PNPLA8: variants seen among roughly 807,000 people sequenced by gnomAD.
PNPLA8 encodes patatin like domain 8, phospholipase A2.
In PNPLA8, 39 loss-of-function variants were observed where a neutral mutation model predicts 76.9. That is an observed-to-expected ratio of 0.51 (90% CI 0.39 to 0.66). The LOEUF (loss-of-function observed/expected upper bound fraction) is 0.66. PNPLA8 is among the 30% of genes least tolerant of loss of function. The pLI is 0.00. For missense variants in PNPLA8, 887 were observed against 918.0 expected (o/e 0.97, Z 0.44); for synonymous variants, 301 against 307.9 (o/e 0.98, Z 0.24).
At chr7:108,528,068 CAT>C (rs1864151819), upstream of PNPLA8, 1 of 152,206 alleles carries the variant, frequency 6.6e-6, no homozygotes, top group Non-Finnish European at 1.5e-5. Context: ...TTTAATCAGT[CAT>C]GAAGTCTGAT....
At chr7:108,501,059 G>C (rs2154515835) in intron 5 of PNPLA8, among the ~76,000 whole-genome samples, 1 of 152,188 alleles carries the variant, frequency 6.6e-6, no homozygotes, top group African/African-American at 2.4e-5. Context: ...CAGAACCAAG[G>C]AATTTAACAA....
intron 9 of PNPLA8, chr7:108,479,612 T>C: frequency 1.8e-6 from 1 of 553,668 alleles, no homozygotes; most frequent in Non-Finnish European, 3.2e-6. Context: ...TTAAATTGCT[T>C]TGCATATTTT....
intron 2 of PNPLA8, 62 bp from the exon 3 acceptor site, chr7:108,515,636 A>C: frequency 5.2e-6 from 5 of 962,958 alleles, no homozygotes; most frequent in Non-Finnish European, 6.8e-6. Context: ...TATAACAGAA[A>C]ACACAAGACT....
chr7:108,497,564 G>A lies in PNPLA8; in HGVS notation c.1372C>T (p.Leu458Phe). The change falls in exon 6 of 11, where the codon CTC becomes TTC. Residue 458 changes from leucine (L) to phenylalanine (F), a missense_variant. Coordinates refer to ENST00000257694, the MANE Select transcript of PNPLA8 (RefSeq NM_001256007.3). ...TCAACTAATTTTCGTAGGGTCTGGA[G>A]AGCAACCACGCCCCTACAGAAAAGA... Reference protein sequence around the residue: ...DGGGTRGVVALQTLRKLVELT... With the variant: ...DGGGTRGVVAFQTLRKLVELT... 6.2e-7 allele frequency: 1 copy of A among 1,600,732 alleles called. No individual in the cohort carries two copies. The highest frequency in any genetic ancestry group is 8.5e-7 in the Non-Finnish European group (1 of 1,171,852).
At chr7:108,482,280 G>T (rs1173532780) in intron 9 of PNPLA8, among the ~76,000 whole-genome samples, 2 of 152,102 alleles carry the variant, frequency 1.3e-5, no homozygotes, top group Non-Finnish European at 2.9e-5. Context: ...AGACCAGCCT[G>T]GACAACACAG....
chr7:108,526,936 T>G (rs1864119035), upstream of PNPLA8, among the ~76,000 whole-genome samples: 1 of 152,262 alleles, frequency 6.6e-6, no homozygotes, highest in Non-Finnish European at 1.5e-5. Context: ...TTCATATTTG[T>G]GTCTGCTTTT....
chr7:108,478,783 C>T (rs1217946926), intron 10 of PNPLA8, among the ~76,000 whole-genome samples: 1 of 152,164 alleles, frequency 6.6e-6, no homozygotes, highest in Non-Finnish European at 1.5e-5. Flanking sequence ...ATTCTCATTC[C>T]AGTTTGCCTT....
At chr7:108,482,046 CTATT>C (rs1227442766) in intron 9 of PNPLA8, among the ~76,000 whole-genome samples, 20 of 152,194 alleles carry the variant, frequency 1.3e-4, no homozygotes, top group Admixed American at 7.2e-4. Context: ...TCTGAACTCT[CTATT>C]TAATTCTATT....
intron 2 of PNPLA8, among the ~76,000 whole-genome samples, chr7:108,516,977 C>A (rs192486472): frequency 2.0e-5 from 3 of 151,874 alleles, no homozygotes; most frequent in Non-Finnish European, 4.4e-5. Context: ...GACAACGAGG[C>A]AGAGATTGGG....
Position 108,496,703 on chromosome 7 carries a change from A to C in PNPLA8, c.1506T>G (p.Cys502Trp). The C allele has an allele frequency of 3.7e-6, 6 of 1,611,704 alleles. No homozygotes were observed. Among genetic ancestry groups the C allele is most frequent in the Non-Finnish European group, 5.1e-6 (6 of 1,178,840 alleles). Reference sequence around the variant, plus strand: ...ATCCTAATTTTCGATAAAGTTCCTCACATTCATCCAAGGGCATATGAAACA... The same window carrying C: ...ATCCTAATTTTCGATAAAGTTCCTCCCATTCATCCAAGGGCATATGAAACA... Reference protein sequence around the residue: ...LGLFHMPLDECEELYRKLGSD... With the variant: ...LGLFHMPLDEWEELYRKLGSD... The change falls in exon 7 of 11, where the codon TGT becomes TGG. Residue 502 changes from cysteine (C) to tryptophan (W), a missense_variant. Transcript: ENST00000257694.
At chr7:108,500,511 A>C (rs1194843335) in intron 5 of PNPLA8, among the ~76,000 whole-genome samples, 1 of 152,232 alleles carries the variant, frequency 6.6e-6, no homozygotes, top group East Asian at 1.9e-4. Flanking sequence ...GTCTTTCCTC[A>C]ACACCAATCT....
rs182948137 is a variant in PNPLA8, at chr7:108,524,788, C to A, written c.-130+1241G>T. Among the ~76,000 whole-genome samples, 7 of 152,308 alleles carry A rather than the reference C, an allele frequency of 4.6e-5. No individual in the cohort carries two copies. In the East Asian group the frequency reaches 1.4e-3, roughly 29 times the overall value. On this transcript the variant is annotated intron_variant, in intron 1 of 10. Transcript: ENST00000257694. ...CACCAAGGCACTCCAGCCTGGGCGA[C>A]AGAGAGAGACTCCCAACAACAACAA... is the stretch of plus-strand genomic sequence containing the variant.
Position 108,514,630 on chromosome 7 carries a change from C to G in PNPLA8, c.862G>C (p.Ala288Pro). The stretch of plus-strand genomic sequence containing the variant: ...TCCGTGGGACGAGAAAGAAAGTTAG[C>G]AATACTTTGTTTAGTTGAAACTTGA... Reference protein sequence around the residue: ...VLQVSTKQSIANFLSRPTEGV... With the variant: ...VLQVSTKQSIPNFLSRPTEGV... The change falls in exon 3 of 11, where the codon GCT (alanine) becomes CCT (proline). Residue 288 changes from alanine to proline, a missense_variant. Physicochemically the swap from Ala to Pro is conservative, Grantham distance 27. Coordinates refer to ENST00000257694, the MANE Select transcript of PNPLA8 (RefSeq NM_001256007.3). 6.2e-7 allele frequency: 1 copy of G among 1,613,852 alleles called. No individual in the cohort carries two copies. Among genetic ancestry groups the G allele is most frequent in the Non-Finnish European group, 8.5e-7 (1 of 1,179,774 alleles).
At chr7:108,479,609 G>T in intron 9 of PNPLA8, 2 of 564,542 alleles carry the variant, frequency 3.5e-6, no homozygotes, top group South Asian at 2.0e-5. Context: ...TTCTTAAATT[G>T]CTTTGCATAT....
chr7:108,511,908 A>C (rs1862961420), intron 4 of PNPLA8, among the ~76,000 whole-genome samples: 1 of 152,230 alleles, frequency 6.6e-6, no homozygotes. Flanking sequence ...GACATTACTA[A>C]TGTTCACCAA....
intron 7 of PNPLA8, among the ~76,000 whole-genome samples, chr7:108,491,899 G>A (rs544941000): frequency 6.6e-6 from 1 of 152,182 alleles, no homozygotes; most frequent in Non-Finnish European, 1.5e-5. Context: ...AAGTATGCAC[G>A]GGCTAGTTAG....
chr7:108,495,336 A>G (rs1341857406), intron 7 of PNPLA8, among the ~76,000 whole-genome samples: 1 of 152,210 alleles, frequency 6.6e-6, no homozygotes, highest in Non-Finnish European at 1.5e-5. Flanking sequence ...AAAAAACAGT[A>G]TATCCATAAA....
chr7:108,514,213 G>A lies in PNPLA8; in HGVS notation c.1137C>T (p.Cys379=), dbSNP rs1863129915. The change falls in exon 4 of 11, where the codon TGC becomes TGT. Residue 379 remains cysteine (C), a synonymous_variant. Coordinates refer to ENST00000257694, the MANE Select transcript of PNPLA8 (RefSeq NM_001256007.3). ...AAGTCAGTTCTTCAACCCTAGTAAT[G>A]CAGAGCTTTGGGTCAGTTGTTCTTC... ...ALRRTTDPKL[C]ITRVEELTFH... is the part of the protein sequence containing the mutation. The A allele has an allele frequency of 6.2e-7, 1 of 1,607,850 alleles. No homozygotes were observed. Among genetic ancestry groups the A allele is most frequent in the Non-Finnish European group, 8.5e-7 (1 of 1,174,428 alleles).
chr7:108,484,903 T>C (rs1860636813), intron 9 of PNPLA8, among the ~76,000 whole-genome samples: 1 of 152,150 alleles, frequency 6.6e-6, no homozygotes, highest in African/African-American at 2.4e-5. Context: ...TACATTTCTG[T>C]CCAGTTATAA....
Sources: gnomAD v4.1 joint callset for allele counts (sites outside exome capture counted in the v4.1 genomes callset) on GRCh38, gnomAD v4.1.1 for gene constraint, MANE v1.5 for transcripts, NCBI Gene and HGNC (gene_info 2026-07-23, HGNC 2026-07-21) for gene names.